SPAG16: variants seen among roughly 807,000 people sequenced by gnomAD.
SPAG16 encodes sperm-associated antigen 16 protein.
A neutral mutation model predicts 80.4 loss-of-function variants in SPAG16; 86 were observed. That is an observed-to-expected ratio of 1.07 (90% CI 0.90 to 1.28). SPAG16 has a LOEUF of 1.28. SPAG16 is among the 50% of genes most tolerant of loss of function. SPAG16 has a pLI of 0.00. For missense variants in SPAG16, 870 were observed against 765.3 expected (o/e 1.14, Z -1.61); for synonymous variants, 294 against 265.9 (o/e 1.11, Z -1.03).
intron 15 of SPAG16, among the ~76,000 whole-genome samples, chr2:214,267,059 C>A (rs1691625858): frequency 6.6e-6 from 1 of 151,452 alleles, no homozygotes; most frequent in Admixed American, 6.6e-5. Flanking sequence ...ATTCCAATGT[C>A]ATTCTTCACA....
intron 13 of SPAG16, among the ~76,000 whole-genome samples, chr2:214,059,222 G>GTATATATATATATATATA (rs34244219): frequency 6.9e-4 from 84 of 121,402 alleles, no homozygotes; most frequent in African/African-American, 2.7e-3. Flanking sequence ...ATATGTATGT[G>GTATATATATATATATATA]TATATATATA....
chr2:213,872,842 A>T (rs941645234), intron 11 of SPAG16, among the ~76,000 whole-genome samples: 4 of 152,044 alleles, frequency 2.6e-5, no homozygotes, highest in African/African-American at 9.7e-5. Flanking sequence ...TGAAATGATC[A>T]TTTGGTTTTT....
intron 12 of SPAG16, among the ~76,000 whole-genome samples, chr2:213,980,130 T>A (rs748495361): frequency 2.7e-5 from 4 of 150,764 alleles, no homozygotes; most frequent in African/African-American, 7.3e-5. Flanking sequence ...GGTGGGTAGA[T>A]CACGAGGTCA....
rs144847368 is a variant in SPAG16, at chr2:213,980,696, A to ATGTG, written c.1401-33241_1401-33238dup. On this transcript the variant is annotated intron_variant, in intron 12 of 15. Transcript: ENST00000331683. ...ATATATGTGTGTATATATAGAATATATGTGTGTGTGTGTGTGTATATATAT... is the reference window on the plus strand; with the variant it reads ...ATATATGTGTGTATATATAGAATATATGTGTGTGTGTGTGTGTGTGTATATATAT... Among the ~76,000 whole-genome samples the ATGTG allele has an allele frequency of 4.9e-3, 502 of 101,622 alleles. 13 individuals carry two copies. The highest frequency in any genetic ancestry group is 0.021 in the African/African-American group (431 of 20,824). 66.7% of individuals were successfully genotyped at this position (101,622 alleles called of 152,430 possible). A position where few individuals can be genotyped will look rare whatever the true frequency, so the allele number is the denominator to read the frequency against.
chr2:214,368,572 T>C (rs1193440325), intron 15 of SPAG16, among the ~76,000 whole-genome samples: 1 of 152,076 alleles, frequency 6.6e-6, no homozygotes, highest in Non-Finnish European at 1.5e-5. Flanking sequence ...TTTCTACCCA[T>C]ATCAACTTAA....
chr2:214,356,536 TTTTTC>T (rs1237229424), intron 15 of SPAG16, among the ~76,000 whole-genome samples: 1 of 149,008 alleles, frequency 6.7e-6, no homozygotes, highest in Non-Finnish European at 1.5e-5. Context: ...GCATTTTAAG[TTTTTC>T]TTTTCTTATT....
intron 13 of SPAG16, among the ~76,000 whole-genome samples, chr2:214,074,181 C>A (rs1391511481): frequency 1.3e-5 from 2 of 152,128 alleles, no homozygotes; most frequent in African/African-American, 4.8e-5. Flanking sequence ...AGAACCCAAC[C>A]ATGCTAGCAC....
chr2:213,972,873 T>A (rs1050777880), intron 12 of SPAG16, among the ~76,000 whole-genome samples: 1 of 152,230 alleles, frequency 6.6e-6, no homozygotes, highest in Non-Finnish European at 1.5e-5. Flanking sequence ...CTCTGTGGGT[T>A]GTGTTTTCAC....
chr2:213,548,001 A>G (rs887922585), intron 10 of SPAG16, among the ~76,000 whole-genome samples: 37 of 152,142 alleles, frequency 2.4e-4, no homozygotes, highest in African/African-American at 8.0e-4. Context: ...CTTTTGTCCA[A>G]TATTCTGCTA....
intron 15 of SPAG16, among the ~76,000 whole-genome samples, chr2:214,337,721 G>T (rs1697396224): frequency 6.6e-6 from 1 of 152,304 alleles, no homozygotes; most frequent in Non-Finnish European, 1.5e-5. Context: ...TCTGCATTAA[G>T]GGATATTACG....
intron 13 of SPAG16, among the ~76,000 whole-genome samples, chr2:214,047,576 A>G (rs1022078312): frequency 3.3e-5 from 5 of 152,218 alleles, no homozygotes; most frequent in African/African-American, 1.2e-4. Flanking sequence ...TAAGACTTCG[A>G]ACAATGAAAC....
chr2:214,157,090 T>G lies in SPAG16; in HGVS notation c.1720+7824T>G, dbSNP rs79128228. On this transcript the variant is annotated intron_variant, in intron 15 of 15. Transcript: ENST00000331683. ...TAAGTAGAATTTGGGCCTCACTGAT[T>G]CTGGAGAAAGGAACTGGAGAAACTG... Among the ~76,000 whole-genome samples, 17 of 152,268 alleles carry G rather than the reference T, an allele frequency of 1.1e-4. No homozygotes were observed. The East Asian group carries it at 3.3e-3, about 29-fold the overall frequency.
At chr2:214,171,909 TG>T (rs2056881086) in intron 15 of SPAG16, among the ~76,000 whole-genome samples, 2 of 152,012 alleles carry the variant, frequency 1.3e-5, no homozygotes, top group South Asian at 4.1e-4. Context: ...ACATGATGTA[TG>T]GGGTACATAT....
At chr2:214,019,174 G>C (rs2047734448) in intron 13 of SPAG16, among the ~76,000 whole-genome samples, 2 of 152,082 alleles carry the variant, frequency 1.3e-5, no homozygotes. Context: ...CCTACCTAAA[G>C]GCAGTAAGAA....
At chr2:213,953,957 C>G (rs1202018813) in intron 12 of SPAG16, among the ~76,000 whole-genome samples, 1 of 151,932 alleles carries the variant, frequency 6.6e-6, no homozygotes, top group Non-Finnish European at 1.5e-5. Context: ...GGAAACACAG[C>G]CCATGCAATG....
intron 11 of SPAG16, among the ~76,000 whole-genome samples, chr2:213,906,756 A>AGGGCATCCTCTT (rs1272123176): frequency 4.6e-5 from 7 of 152,208 alleles, no homozygotes; most frequent in Non-Finnish European, 1.0e-4. Flanking sequence ...CCCAGAACAT[A>AGGGCATCCTCTT]CAATAGGGAA....
At chr2:213,775,371 T>A (rs1324280158) in intron 10 of SPAG16, among the ~76,000 whole-genome samples, 1 of 152,240 alleles carries the variant, frequency 6.6e-6, no homozygotes, top group Admixed American at 6.5e-5. Flanking sequence ...AAGATATGCA[T>A]ATAGCTGTGA....
chr2:214,338,301 G>A (rs1357253177), intron 15 of SPAG16, among the ~76,000 whole-genome samples: 3 of 151,966 alleles, frequency 2.0e-5, no homozygotes, highest in Non-Finnish European at 4.4e-5. Context: ...AGATGATCAG[G>A]TCAGGGGTTC....
intron 15 of SPAG16, among the ~76,000 whole-genome samples, chr2:214,216,178 A>ATTGG (rs1272178608): frequency 3.3e-5 from 5 of 152,186 alleles, no homozygotes; most frequent in African/African-American, 1.2e-4. Context: ...AATTATGAGC[A>ATTGG]TTGGTTTTTT....
Sources: allele counts gnomAD v4.1 joint callset (sites outside exome capture counted in the v4.1 genomes callset), GRCh38; gene constraint gnomAD v4.1.1; transcripts MANE v1.5; gene names NCBI Gene and HGNC (gene_info 2026-07-23, HGNC 2026-07-21).